PDE4D: variants seen among roughly 807,000 people sequenced by gnomAD.
PDE4D encodes 3',5'-cyclic-AMP phosphodiesterase 4D.
PDE4D carries 24 observed loss-of-function variants against 87.4 expected under a neutral mutation model. The observed-to-expected ratio is 0.27, with a 90% CI of 0.20 to 0.39. The LOEUF (loss-of-function observed/expected upper bound fraction) is 0.39. Among genes scored for constraint, PDE4D ranks in the 10% least tolerant of loss-of-function variants. The pLI is 1.00. For missense variants in PDE4D, 714 were observed against 1,041.0 expected (o/e 0.69, Z 4.32); for synonymous variants, 384 against 383.2 (o/e 1.00, Z -0.02).
At chr5:60,379,195 A>AG (rs1561186989) in intron 1 of PDE4D, among the ~76,000 whole-genome samples, 1 of 151,712 alleles carries the variant, frequency 6.6e-6, no homozygotes. Context: ...GGAAAAGAAA[A>AG]AAAAAAAAAC....
At chr5:59,363,860 C>G (rs1380301373) in intron 1 of PDE4D, among the ~76,000 whole-genome samples, 2 of 152,140 alleles carry the variant, frequency 1.3e-5, no homozygotes, top group East Asian at 3.9e-4. Flanking sequence ...GTGGGTTCAA[C>G]TGTGGTAACT....
At chr5:59,888,169 C>T (rs1257563405) in intron 1 of PDE4D, among the ~76,000 whole-genome samples, 1 of 152,206 alleles carries the variant, frequency 6.6e-6, no homozygotes, top group Non-Finnish European at 1.5e-5. Context: ...TATTTTCATG[C>T]TACTGCTCCA....
At chr5:59,084,614 T>C (rs764863724) in intron 5 of PDE4D, among the ~76,000 whole-genome samples, 6 of 151,718 alleles carry the variant, frequency 4.0e-5, no homozygotes, top group Non-Finnish European at 8.8e-5. Context: ...AGGCCAGGGG[T>C]GGTGGCTCAC....
intron 1 of PDE4D, among the ~76,000 whole-genome samples, chr5:59,633,421 C>T (rs1047700737): frequency 3.3e-5 from 5 of 152,096 alleles, no homozygotes; most frequent in Non-Finnish European, 7.4e-5. Context: ...AGAGCAACCC[C>T]AAGACACATA....
chr5:59,827,368 G>A (rs1770449417), intron 1 of PDE4D, among the ~76,000 whole-genome samples: 1 of 152,106 alleles, frequency 6.6e-6, no homozygotes, highest in Non-Finnish European at 1.5e-5. Flanking sequence ...TTCTGTTGCA[G>A]TAGCCTGCAA....
At chr5:59,003,014 C>A (rs1750861544) in intron 6 of PDE4D, among the ~76,000 whole-genome samples, 1 of 152,090 alleles carries the variant, frequency 6.6e-6, no homozygotes, top group Non-Finnish European at 1.5e-5. Context: ...TAAAAAAATT[C>A]TCTGGTTTGT....
upstream of PDE4D, among the ~76,000 whole-genome samples, chr5:60,492,124 T>TAAAAAAAAAAA (rs776940230): frequency 2.3e-5 from 3 of 130,454 alleles, no homozygotes; most frequent in African/African-American, 2.8e-5. Context: ...AAAGTATAAT[T>TAAAAAAAAAAA]AAAAAAAAAA....
intron 1 of PDE4D, among the ~76,000 whole-genome samples, chr5:59,760,891 G>A (rs1761884198): frequency 6.6e-6 from 1 of 152,126 alleles, no homozygotes; most frequent in Non-Finnish European, 1.5e-5. Context: ...GTGTGATACT[G>A]ACAGCTATAG....
At chr5:59,381,357 C>G (rs1319071746) in intron 1 of PDE4D, among the ~76,000 whole-genome samples, 1 of 152,144 alleles carries the variant, frequency 6.6e-6, no homozygotes, top group African/African-American at 2.4e-5. Flanking sequence ...AGACCAGGAA[C>G]TGAAGAACTT....
chr5:60,086,018 TA>T (rs1398994516), intron 2 of PDE4D, among the ~76,000 whole-genome samples: 2 of 152,172 alleles, frequency 1.3e-5, no homozygotes, highest in African/African-American at 4.8e-5. Flanking sequence ...AATTACTTAG[TA>T]AAAAAATGGC....
chr5:59,757,360 T>C (rs902774536), intron 1 of PDE4D, among the ~76,000 whole-genome samples: 6 of 152,158 alleles, frequency 3.9e-5, no homozygotes, highest in African/African-American at 1.4e-4. Flanking sequence ...AAATAATATA[T>C]TGAATCACAG....
intron 1 of PDE4D, among the ~76,000 whole-genome samples, chr5:59,370,325 C>T (rs892077866): frequency 1.3e-5 from 2 of 152,154 alleles, no homozygotes; most frequent in Non-Finnish European, 2.9e-5. Context: ...AAGCCCTCTC[C>T]TCTCTTTATG....
intron 5 of PDE4D, among the ~76,000 whole-genome samples, chr5:59,156,320 A>AT (rs1554082852): frequency 0.036 from 2,922 of 81,450 alleles, 135 homozygotes; most frequent in African/African-American, 0.089. Context: ...AAAAAAAAAA[A>AT]ATATATATAT....
At chr5:60,337,374 T>TAC (rs1308199009) in intron 1 of PDE4D, among the ~76,000 whole-genome samples, 1 of 118,140 alleles carries the variant, frequency 8.5e-6, no homozygotes, top group Non-Finnish European at 1.7e-5. Context: ...TATATATATA[T>TAC]ATATATATAT....
intron 1 of PDE4D, among the ~76,000 whole-genome samples, chr5:60,496,925 A>G (rs1749839792): frequency 6.6e-6 from 1 of 152,216 alleles, no homozygotes; most frequent in Non-Finnish European, 1.5e-5. Flanking sequence ...TCACATTAAT[A>G]TATGAAGCTT....
At chr5:59,210,505 G>A (rs1296812684) in intron 2 of PDE4D, among the ~76,000 whole-genome samples, 1 of 152,234 alleles carries the variant, frequency 6.6e-6, no homozygotes, top group African/African-American at 2.4e-5. Context: ...GGTAGGGAGA[G>A]TATTATCTAC....
At chr5:60,423,382 T>C (rs755990957) in intron 1 of PDE4D, among the ~76,000 whole-genome samples, 3 of 152,134 alleles carry the variant, frequency 2.0e-5, no homozygotes, top group Non-Finnish European at 2.9e-5. Context: ...AACTCAGGAT[T>C]AAGAAACTCA....
At chr5:60,204,221 T>G (rs1742246013) in intron 1 of PDE4D, among the ~76,000 whole-genome samples, 2 of 152,172 alleles carry the variant, frequency 1.3e-5, no homozygotes, top group South Asian at 4.1e-4. Context: ...TATCTCTCTA[T>G]CTCTCTGTCA....
At chr5:59,741,590 A>G (rs974349135) in intron 1 of PDE4D, among the ~76,000 whole-genome samples, 1 of 152,194 alleles carries the variant, frequency 6.6e-6, no homozygotes, top group Non-Finnish European at 1.5e-5. Flanking sequence ...ATTTTCTTCC[A>G]CAAAACTTGA....
Sources: gnomAD v4.1 joint callset for allele counts (sites outside exome capture counted in the v4.1 genomes callset) on GRCh38, gnomAD v4.1.1 for gene constraint, MANE v1.5 for transcripts, NCBI Gene and HGNC (gene_info 2026-07-23, HGNC 2026-07-21) for gene names.